The following NYNRIN variants were observed in gnomAD, a reference collection of about 807,000 sequenced individuals.
NYNRIN encodes protein NYNRIN.
Under a neutral mutation model 146.6 loss-of-function variants are expected in NYNRIN, and 86 were observed. The observed-to-expected ratio is 0.59, with a 90% CI of 0.49 to 0.70. The LOEUF is 0.70. NYNRIN is among the 30% of genes least tolerant of loss of function. The probability of loss-of-function intolerance (pLI) is 0.00; values close to 1 mark genes in which losing one functional copy is unlikely to be tolerated. For synonymous variants in NYNRIN, 1,027 were observed against 1,001.3 expected (o/e 1.03, Z -0.48); for missense variants, 2,191 against 2,377.7 (o/e 0.92, Z 1.63).
At chr14:24,400,946 T>G (rs565005661) in intron 2 of NYNRIN, among the ~76,000 whole-genome samples, 1 of 152,096 alleles carries the variant, frequency 6.6e-6, no homozygotes, top group Non-Finnish European at 1.5e-5. Context: ...CGTGCCACCA[T>G]GCCCAGCTAA....
intron 1 of NYNRIN, 21 bp downstream of exon 1, chr14:24,399,107 G>T (rs1339240770): frequency 1.3e-6 from 1 of 768,036 alleles, no homozygotes; most frequent in East Asian, 2.9e-5. Flanking sequence ...CCGCCTGGAG[G>T]AAGGAGGCCG....
rs530609775 is a variant in NYNRIN, at chr14:24,399,483, C to T, written c.198+39C>T. ...CCCCACCCCCACCCATCTCTTCCAG[C>T]CAGATCACTCTCTCCCCTTCCCCTG... On this transcript the variant is annotated intron_variant, in intron 2 of 8. Coordinates refer to ENST00000382554, the MANE Select transcript of NYNRIN (RefSeq NM_025081.3). 33 of 1,522,248 alleles carry T rather than the reference C, an allele frequency of 2.2e-5. No homozygotes were observed. In the South Asian group the frequency reaches 4.0e-4, roughly 18 times the overall value. 94.3% of individuals were successfully genotyped at this position (1,522,248 alleles called of 1,614,324 possible).
At position 24,414,927 on chromosome 14, in the gene NYNRIN, G is replaced by T; in HGVS notation, c.3178G>T (p.Ala1060Ser). 6 of 1,600,478 alleles carry T rather than the reference G, an allele frequency of 3.7e-6. No individual in the cohort carries two copies. The highest frequency in any genetic ancestry group is 5.1e-6 in the Non-Finnish European group (6 of 1,169,788). ...CCTGGACATCGACCTCCTGCCAGGG[G>T]CAGCTTCTCCCTACCTGGGCATCCC... ...GALDIDLLPG[A>S]ASPYLGIPWD... Residue 1060 changes from alanine to serine, a missense_variant, in exon 9 of 9, where the codon GCA becomes TCA. Ala to Ser is a moderately conservative substitution (Grantham distance 99, BLOSUM62 1). Around this residue, in one of 3 missense-constraint regions of NYNRIN, gnomAD observed 1,291 missense variants for 1,417.0 expected, o/e 0.91. Coordinates refer to ENST00000382554, the MANE Select transcript of NYNRIN (RefSeq NM_025081.3).
intron 4 of NYNRIN, 89 bp from the exon 5 acceptor site, chr14:24,410,987 G>C: frequency 6.6e-7 from 1 of 1,507,812 alleles, no homozygotes; most frequent in Admixed American, 1.8e-5. Flanking sequence ...TGGTGTCCTT[G>C]GTGCTGGCAT....
At position 24,418,372 on chromosome 14, in the gene NYNRIN, C is replaced by T; in HGVS notation, c.*926C>T. The T allele has an allele frequency of 2.3e-6, 1 of 430,214 alleles. No individual in the cohort carries two copies. Among genetic ancestry groups the T allele is most frequent in the Non-Finnish European group, 4.7e-6 (1 of 214,898 alleles). 26.6% of individuals were successfully genotyped at this position (430,214 alleles called of 1,614,324 possible). On this transcript the variant is annotated 3_prime_UTR_variant, in exon 9 of 9. Transcript: ENST00000382554. ...CTGGCATGGCTCTACCTCCCAACCCCTCCCAACCCCATCCCAAAGCCTACA... is the reference window on the plus strand; with the variant it reads ...CTGGCATGGCTCTACCTCCCAACCCTTCCCAACCCCATCCCAAAGCCTACA...
At chr14:24,412,752 T>G in intron 6 of NYNRIN, 1 of 404,676 alleles carries the variant, frequency 2.5e-6, no homozygotes, top group Non-Finnish European at 4.5e-6. Flanking sequence ...GGGGTGTGTG[T>G]TTGTATATAC....
At chr14:24,401,452 GT>G (rs2042843021) in intron 2 of NYNRIN, among the ~76,000 whole-genome samples, 1 of 151,728 alleles carries the variant, frequency 6.6e-6, no homozygotes, top group Non-Finnish European at 1.5e-5. Context: ...GGGGGTTAAA[GT>G]TTTGTCTCAG....
At position 24,408,405 on chromosome 14, in the gene NYNRIN, G is replaced by C. The variant is rs2042889497; in HGVS notation, c.735G>C (p.Val245=). ...VSVGESPGPF[V]DMGTLQNRGP... ...TGGGAGAGAGTCCTGGACCCTTTGTGGACATGGGGACCCTCCAGAACAGGG... is the reference window on the plus strand; with the variant it reads ...TGGGAGAGAGTCCTGGACCCTTTGTCGACATGGGGACCCTCCAGAACAGGG... Residue 245 remains valine, a synonymous_variant, in exon 3 of 9, where the codon GTG becomes GTC. Transcript: ENST00000382554. 1.2e-6 allele frequency: 2 copies of C among 1,613,802 alleles called. No homozygotes were observed. The highest frequency in any genetic ancestry group is 1.7e-6 in the Non-Finnish European group (2 of 1,179,872).
intron 2 of NYNRIN, among the ~76,000 whole-genome samples, chr14:24,406,623 G>C (rs1043951410): frequency 5.3e-5 from 8 of 152,242 alleles, no homozygotes; most frequent in African/African-American, 1.9e-4. Flanking sequence ...CCTGAGCCGG[G>C]AAAGATGGCC....
rs1442019534 is a variant in NYNRIN, at chr14:24,409,252, A to G, written c.1458A>G (p.Thr486=). The G allele has an allele frequency of 2.5e-6, 4 of 1,613,882 alleles. No homozygotes were observed. The African/African-American group carries it at 5.3e-5, about 22-fold the overall frequency. The stretch of plus-strand genomic sequence containing the variant: ...AGATAGGGCCACCCTTGACCTCTAC[A>G]CCCCAACTACAGGCTGGAGGTGAGC... ...LPQIGPPLTS[T]PQLQAGGEPG... The change falls in exon 4 of 9, where the codon ACA becomes ACG. Residue 486 remains threonine, a synonymous_variant. Transcript: ENST00000382554.
Position 24,416,077 on chromosome 14 carries a change from C to A in NYNRIN, c.4328C>A (p.Thr1443Asn), listed in dbSNP as rs746856903. The change falls in exon 9 of 9, where the codon ACC (threonine) becomes AAC (asparagine). Residue 1443 changes from threonine (T) to asparagine (N), a missense_variant. By Grantham distance (65) the Thr-to-Asn change is moderately conservative. Transcript: ENST00000382554. Reference protein sequence around the residue: ...RGSLFAVTVDTLAKQGAQGGG... With the variant: ...RGSLFAVTVDNLAKQGAQGGG... ...TCTCTGTTTGCTGTGACAGTGGACA[C>A]CCTGGCCAAGCAGGGTGCCCAGGGG... The A allele has an allele frequency of 1.2e-6, 2 of 1,614,020 alleles. No individual in the cohort carries two copies. Among genetic ancestry groups the A allele is most frequent in the Non-Finnish European group, 8.5e-7 (1 of 1,179,882 alleles).
rs775857459 is a variant in NYNRIN, at chr14:24,415,667, G to A, written c.3918G>A (p.Thr1306=). The A allele has an allele frequency of 8.7e-6, 14 of 1,613,890 alleles. No homozygotes were observed. Among genetic ancestry groups the A allele is most frequent in the African/African-American group, 2.7e-5 (2 of 74,934 alleles). Reference sequence around the variant, plus strand: ...TGCCGCCTTTCTCTGACCTGTCCACGTTCGTCTGCATCCACATGTCGGGCT... The same window carrying A: ...TGCCGCCTTTCTCTGACCTGTCCACATTCGTCTGCATCCACATGTCGGGCT... ...QVLPPFSDLS[T]FVCIHMSGYC... The change falls in exon 9 of 9, where the codon ACG becomes ACA. Residue 1306 remains threonine (T), a synonymous_variant. Transcript: ENST00000382554.
rs1412553059 is a variant in NYNRIN, at chr14:24,414,789, G to A, written c.3040G>A (p.Ala1014Thr). 1.2e-6 allele frequency: 2 copies of A among 1,613,886 alleles called. No homozygotes were observed. Among genetic ancestry groups the A allele is most frequent in the East Asian group, 2.2e-5 (1 of 44,862 alleles). The change falls in exon 9 of 9, where the codon GCT becomes ACT. Residue 1014 changes from alanine (A) to threonine (T), a missense_variant. By Grantham distance (58) the Ala-to-Thr change is moderately conservative. Around this residue, in one of 3 missense-constraint regions of NYNRIN, gnomAD observed 1,291 missense variants for 1,417.0 expected, o/e 0.91. Transcript: ENST00000382554. The stretch of plus-strand genomic sequence containing the variant: ...ACAGGGGCAGGGCACACAGAAGGCG[G>A]CTGAGGAGGACGACCTTGACTCTTC... The part of the protein sequence containing the change: ...QRQGQGTQKA[A>T]EEDDLDSSLA...
rs150643303 is a variant in NYNRIN, at chr14:24,408,683, A to C, written c.889A>C (p.Ser297Arg). Residue 297 changes from serine (S) to arginine (R), a missense_variant, in exon 4 of 9, where the codon AGT (serine) becomes CGT (arginine). This residue lies in a region of NYNRIN where 895 missense variants were observed against 941.2 expected (regional missense o/e 0.95). Transcript: ENST00000382554. ...VGSNNQDGMD[S>R]AQEEGTVQAT... Reference sequence around the variant, plus strand: ...TTCCAACAACCAAGATGGTATGGACAGTGCTCAAGAGGAAGGGACAGTGCA... The same window carrying C: ...TTCCAACAACCAAGATGGTATGGACCGTGCTCAAGAGGAAGGGACAGTGCA... The C allele has an allele frequency of 2.3e-4, 365 of 1,612,300 alleles. 1 individual carries two copies. In the East Asian group the frequency reaches 7.7e-3, roughly 34 times the overall value.
chr14:24,409,374 G>T lies in NYNRIN; in HGVS notation c.1580G>T (p.Gly527Val), dbSNP rs1452634221. Reference sequence around the variant, plus strand: ...GGGCAAGGGAAGCCCGTGGCTCAAGGGGGGCTGACAGATCAGTCAGTACCT... The same window carrying T: ...GGGCAAGGGAAGCCCGTGGCTCAAGTGGGGCTGACAGATCAGTCAGTACCT... The part of the protein sequence containing the change: ...PTGQGKPVAQ[G>V]GLTDQSVPGA... The change falls in exon 4 of 9, where the codon GGG becomes GTG. Residue 527 changes from glycine to valine, a missense_variant. Around this residue, in one of 3 missense-constraint regions of NYNRIN, gnomAD observed 895 missense variants for 941.2 expected, o/e 0.95. Transcript: ENST00000382554. The T allele has an allele frequency of 6.2e-7, 1 of 1,614,022 alleles. No homozygotes were observed. Among genetic ancestry groups the T allele is most frequent in the Non-Finnish European group, 8.5e-7 (1 of 1,179,902 alleles).
Position 24,408,642 on chromosome 14 carries a change from CT to C in NYNRIN, c.858-8del. On this transcript the variant is annotated splice_polypyrimidine_tract_variant and intron_variant, in intron 3 of 8. Coordinates refer to ENST00000382554, the MANE Select transcript of NYNRIN (RefSeq NM_025081.3). The stretch of plus-strand genomic sequence containing the variant: ...CTTCCACCTTTTCAATGAACTTGGG[CT>C]TCCTCCAGGGTCGGTTCCAACAACC... 1 of 1,580,120 alleles carries C rather than the reference CT, an allele frequency of 6.3e-7. No homozygotes were observed. The highest frequency in any genetic ancestry group is 8.6e-7 in the Non-Finnish European group (1 of 1,164,282).
intron 2 of NYNRIN, among the ~76,000 whole-genome samples, chr14:24,405,247 A>G (rs1189248119): frequency 6.6e-6 from 1 of 152,162 alleles, no homozygotes; most frequent in Non-Finnish European, 1.5e-5. Context: ...AAAGTAGACA[A>G]TGAATGATAA....
At position 24,417,145 on chromosome 14, in the gene NYNRIN, A is replaced by G. The variant is rs781109193; in HGVS notation, c.5396A>G (p.Glu1799Gly). 6.2e-6 allele frequency: 10 copies of G among 1,613,958 alleles called. No homozygotes were observed. In the East Asian group the frequency reaches 2.2e-4, roughly 36 times the overall value. ...FLLQLVGELL[E>G]LHWRVADKAS... ...CTACAGCTGGTGGGGGAGCTGCTGG[A>G]GCTCCACTGGAGGGTGGCTGACAAG... The change falls in exon 9 of 9, where the codon GAG becomes GGG. Residue 1799 changes from glutamate (E) to glycine (G), a missense_variant. By Grantham distance (98) the Glu-to-Gly change is moderately conservative. Around this residue, in one of 3 missense-constraint regions of NYNRIN, gnomAD observed 1,291 missense variants for 1,417.0 expected, o/e 0.91. Transcript: ENST00000382554.
In NYNRIN at chr14:24,406,168, C is replaced by A. The variant is rs1287273627; in HGVS notation, c.199-1701C>A. Among the ~76,000 whole-genome samples the A allele has an allele frequency of 3.4e-5, 5 of 146,358 alleles. No individual in the cohort carries two copies. The East Asian group carries it at 9.8e-4, about 29-fold the overall frequency. ...GAGCCTCTAGCTGTGCCACTGTACT[C>A]CAGCCTGGGTGACAGAGTGAGACTC... is the stretch of plus-strand genomic sequence containing the variant. On this transcript the variant is annotated intron_variant, in intron 2 of 8. Coordinates refer to ENST00000382554, the MANE Select transcript of NYNRIN (RefSeq NM_025081.3).
Sources: gnomAD v4.1 joint callset for allele counts (sites outside exome capture counted in the v4.1 genomes callset) on GRCh38, gnomAD v4.1.1 for gene constraint, gnomAD v4.1.1 regional missense constraint, MANE v1.5 for transcripts, NCBI Gene and HGNC (gene_info 2026-07-23, HGNC 2026-07-21) for gene names.